The following TLK1 variants were observed in gnomAD, a reference collection of about 807,000 sequenced individuals.
TLK1 encodes tousled like kinase 1, also known as serine/threonine-protein kinase tousled-like 1.
TLK1 carries 24 observed loss-of-function variants against 105.3 expected under a neutral mutation model. The ratio of observed to expected loss-of-function variants is 0.23; its 90% CI spans 0.17 to 0.32. The LOEUF (loss-of-function observed/expected upper bound fraction) is 0.32, where lower values mean the gene tolerates loss of function less well. Ranked by LOEUF, TLK1 falls within the 10% of genes least tolerant of loss-of-function variation. The pLI is 1.00. For missense variants in TLK1, 558 were observed against 910.5 expected, an observed-to-expected ratio of 0.61 and a Z score of 4.98; for synonymous variants, 321 against 310.4, an observed-to-expected ratio of 1.03 and a Z score of -0.36.
chr2:171,152,419 T>C (rs1426613777), intron 1 of TLK1, among the ~76,000 whole-genome samples: 1 of 152,200 alleles, frequency 6.6e-6, no homozygotes, highest in East Asian at 1.9e-4. Flanking sequence ...CTGCTCTGCA[T>C]ATCTTTCCAC....
At chr2:171,058,038 G>A in intron 5 of TLK1, 113 bp downstream of exon 5, 2 of 1,026,698 alleles carry the variant, frequency 1.9e-6, no homozygotes, top group Non-Finnish European at 3.0e-6. Flanking sequence ...ATAAAGCTCT[G>A]CTCTAATCAA....
intron 6 of TLK1, among the ~76,000 whole-genome samples, chr2:171,055,875 C>T (rs1687477424): frequency 6.6e-6 from 1 of 151,934 alleles, no homozygotes; most frequent in African/African-American, 2.4e-5. Context: ...CTTTAAATTA[C>T]TGAAAACCAA....
intron 12 of TLK1, among the ~76,000 whole-genome samples, chr2:171,021,827 C>T (rs531341068): frequency 9.2e-5 from 14 of 152,098 alleles, no homozygotes; most frequent in African/African-American, 3.1e-4. Flanking sequence ...GGATCAGGCA[C>T]GGTGGCTCAC....
At chr2:171,084,057 G>A (rs1486297209) in intron 2 of TLK1, among the ~76,000 whole-genome samples, 1 of 152,094 alleles carries the variant, frequency 6.6e-6, no homozygotes, top group Non-Finnish European at 1.5e-5. Flanking sequence ...AAAACTAGGT[G>A]ACAAGAATCT....
At chr2:171,123,533 C>T (rs34622740) in intron 1 of TLK1, among the ~76,000 whole-genome samples, 40,050 of 152,114 alleles carry the variant, frequency 0.26, 5,532 homozygotes, top group Middle Eastern at 0.35. Context: ...GCAGGCTAAA[C>T]GCAGTGGCTC....
intron 11 of TLK1, among the ~76,000 whole-genome samples, chr2:171,037,773 ATT>A (rs1686442805): frequency 6.6e-6 from 1 of 152,146 alleles, no homozygotes; most frequent in Admixed American, 6.6e-5. Context: ...CTATTTTAAG[ATT>A]TGTGCATTTA....
intron 1 of TLK1, among the ~76,000 whole-genome samples, chr2:171,169,109 C>G (rs902160246): frequency 6.6e-6 from 1 of 151,958 alleles, no homozygotes; most frequent in Admixed American, 6.6e-5. Flanking sequence ...TTTTGATCCA[C>G]TAATTTCATT....
chr2:171,067,051 T>A lies in TLK1; in HGVS notation c.331-5895A>T, dbSNP rs1354716527. 12 of 1,385,182 alleles carry A rather than the reference T, an allele frequency of 8.7e-6. No homozygotes were observed. The East Asian group carries it at 1.5e-4, about 18-fold the overall frequency. The allele number at this position is 1,385,182 out of a possible 1,614,324, so 85.8% of individuals were successfully genotyped here. On this transcript the variant is annotated intron_variant, in intron 3 of 20. Transcript: ENST00000431350. Reference sequence around the variant, plus strand: ...AATGGAGTAACATACTCCTGTATCATACCCCTACAAACATTCCTTTGAACA... The same window carrying A: ...AATGGAGTAACATACTCCTGTATCAAACCCCTACAAACATTCCTTTGAACA...
chr2:171,032,163 T>C (rs1686078456), intron 11 of TLK1, among the ~76,000 whole-genome samples: 2 of 152,136 alleles, frequency 1.3e-5, no homozygotes, highest in Non-Finnish European at 2.9e-5. Context: ...ATGGAAAGAT[T>C]TTCTCCTAAT....
chr2:171,165,456 T>C (rs951061070), upstream of TLK1, among the ~76,000 whole-genome samples: 1 of 152,244 alleles, frequency 6.6e-6, no homozygotes, highest in African/African-American at 2.4e-5. Flanking sequence ...TTTATAACTA[T>C]GTTTAATAGA....
At chr2:171,131,798 A>C (rs1388560518) in intron 1 of TLK1, among the ~76,000 whole-genome samples, 1 of 152,116 alleles carries the variant, frequency 6.6e-6, no homozygotes, top group Non-Finnish European at 1.5e-5. Flanking sequence ...AATGTCAACA[A>C]TGGCTTATTT....
At chr2:171,068,453 T>C (rs1688111490) in intron 3 of TLK1, among the ~76,000 whole-genome samples, 2 of 152,222 alleles carry the variant, frequency 1.3e-5, no homozygotes, top group Non-Finnish European at 2.9e-5. Flanking sequence ...ACTACAGACA[T>C]GTGACCATAC....
chr2:171,187,057 C>CAAAAAAAAAAA (rs71013019), intron 1 of TLK1, among the ~76,000 whole-genome samples: 128 of 33,912 alleles, frequency 3.8e-3, no homozygotes, highest in African/African-American at 0.011. Context: ...GACTCTGTCT[C>CAAAAAAAAAAA]AAAAAAAAAA....
rs958941432 is a variant in TLK1, at chr2:170,992,112, T to A, written c.*1668A>T. ...TGATTTTTAAGTGAAGGAGCTCAGT[T>A]AGTCAATATCCTACCATCTTGAAAG... On this transcript the variant is annotated 3_prime_UTR_variant, in exon 21 of 21. Coordinates refer to ENST00000431350, the MANE Select transcript of TLK1 (RefSeq NM_012290.5). 1 of 152,198 alleles carries A rather than the reference T, an allele frequency of 6.6e-6. No homozygotes were observed. The highest frequency in any genetic ancestry group is 1.5e-5 in the Non-Finnish European group (1 of 68,006). 9.4% of individuals were successfully genotyped at this position (152,198 alleles called of 1,614,324 possible).
At chr2:171,091,602 C>A (rs1161733413) in intron 2 of TLK1, 1 of 152,204 alleles carries the variant, frequency 6.6e-6, no homozygotes, top group Non-Finnish European at 1.5e-5. Flanking sequence ...CATACATAAT[C>A]TTTACCCATA....
intron 3 of TLK1, among the ~76,000 whole-genome samples, chr2:171,065,731 G>T (rs943803081): frequency 6.6e-6 from 1 of 152,116 alleles, no homozygotes; most frequent in African/African-American, 2.4e-5. Context: ...GTAGAGGGGG[G>T]TTTCACCGTG....
upstream of TLK1, among the ~76,000 whole-genome samples, chr2:171,162,505 T>A (rs1314759562): frequency 6.6e-6 from 1 of 152,202 alleles, no homozygotes; most frequent in Non-Finnish European, 1.5e-5. Flanking sequence ...AACGTTGCAC[T>A]CCAGCCTGGG....
At chr2:171,213,211 C>T (rs1400931030) in intron 1 of TLK1, among the ~76,000 whole-genome samples, 4 of 146,434 alleles carry the variant, frequency 2.7e-5, no homozygotes, top group African/African-American at 7.5e-5. Flanking sequence ...CTTTTCTTTT[C>T]TTTTTTTTTT....
chr2:171,190,847 A>C (rs936492074), intron 1 of TLK1, among the ~76,000 whole-genome samples: 1 of 152,118 alleles, frequency 6.6e-6, no homozygotes, highest in Non-Finnish European at 1.5e-5. Flanking sequence ...CCTTATTTTA[A>C]ATAGTCACTT....
Sources: allele counts gnomAD v4.1 joint callset (sites outside exome capture counted in the v4.1 genomes callset), GRCh38; gene constraint gnomAD v4.1.1; transcripts MANE v1.5; gene names NCBI Gene and HGNC (gene_info 2026-07-23, HGNC 2026-07-21).